The following RSBN1L variants were observed in gnomAD, a reference collection of about 807,000 sequenced individuals.
RSBN1L encodes the protein lysine-specific demethylase RSBN1L.
Under a neutral mutation model 67.7 loss-of-function variants are expected in RSBN1L, and 30 were observed. The observed-to-expected ratio is 0.44, with a 90% CI of 0.33 to 0.60. The LOEUF (loss-of-function observed/expected upper bound fraction) is 0.60, where lower values mean the gene tolerates loss of function less well. RSBN1L is among the 20% of genes least tolerant of loss of function. The probability of loss-of-function intolerance (pLI) is 0.02; values close to 1 mark genes in which losing one functional copy is unlikely to be tolerated. For missense variants in RSBN1L, 992 were observed against 1,031.7 expected (o/e 0.96, Z 0.53); for synonymous variants, 433 against 387.0 (o/e 1.12, Z -1.39).
rs750407827 is a variant in RSBN1L, at chr7:77,696,844, G to A, written c.375G>A (p.Pro125=). The change falls in exon 1 of 8, where the codon CCG becomes CCA. Residue 125 remains proline (P), a synonymous_variant. Transcript: ENST00000334955. ...SASASLSQPV[P]RKLLVPPTLL... Reference sequence around the variant, plus strand: ...CCGCTTCCTTGTCTCAGCCGGTGCCGCGCAAACTGCTGGTCCCTCCTACGC... The same window carrying A: ...CCGCTTCCTTGTCTCAGCCGGTGCCACGCAAACTGCTGGTCCCTCCTACGC... 1.9e-6 allele frequency: 3 copies of A among 1,612,846 alleles called. No individual in the cohort carries two copies. Among genetic ancestry groups the A allele is most frequent in the East Asian group, 2.2e-5 (1 of 44,888 alleles).
intron 6 of RSBN1L, among the ~76,000 whole-genome samples, chr7:77,777,062 T>G (rs1287302497): frequency 6.6e-6 from 1 of 151,946 alleles, no homozygotes. Flanking sequence ...GTGGGTTTTT[T>G]TTTTATTTCA....
At chr7:77,714,360 A>T (rs1345650671) in intron 1 of RSBN1L, among the ~76,000 whole-genome samples, 2 of 152,182 alleles carry the variant, frequency 1.3e-5, no homozygotes, top group African/African-American at 4.8e-5. Context: ...CTCTCTTGCT[A>T]CTCAGTGCTC....
chr7:77,704,292 A>G (rs978848569), intron 1 of RSBN1L, among the ~76,000 whole-genome samples: 23 of 152,242 alleles, frequency 1.5e-4, no homozygotes, highest in Non-Finnish European at 2.8e-4. Flanking sequence ...ATTTTTCACC[A>G]ATCTCAAATG....
chr7:77,754,641 TC>T (rs1376326313), intron 3 of RSBN1L, among the ~76,000 whole-genome samples: 1 of 152,098 alleles, frequency 6.6e-6, no homozygotes, highest in East Asian at 1.9e-4. Flanking sequence ...TCTTCCAACA[TC>T]CCCCTTTCCC....
At chr7:77,720,348 G>A (rs1474772157) in intron 1 of RSBN1L, among the ~76,000 whole-genome samples, 3 of 152,006 alleles carry the variant, frequency 2.0e-5, no homozygotes, top group Admixed American at 6.6e-5. Context: ...ATCACCTGAG[G>A]TTGGGAGTTC....
chr7:77,770,445 C>T (rs544620771), intron 5 of RSBN1L, among the ~76,000 whole-genome samples: 9 of 151,988 alleles, frequency 5.9e-5, no homozygotes, highest in African/African-American at 1.9e-4. Context: ...TTTGGGTGGC[C>T]GAGGTGGGAG....
intron 1 of RSBN1L, among the ~76,000 whole-genome samples, chr7:77,707,849 A>G (rs1790915968): frequency 6.6e-6 from 1 of 152,154 alleles, no homozygotes; most frequent in South Asian, 2.1e-4. Context: ...GACAGAAACA[A>G]TAATAATAAT....
chr7:77,757,572 T>G (rs1279469285), intron 3 of RSBN1L, among the ~76,000 whole-genome samples: 1 of 152,248 alleles, frequency 6.6e-6, no homozygotes, highest in Non-Finnish European at 1.5e-5. Flanking sequence ...ACTTAGTGAC[T>G]TGAAAAAAGG....
chr7:77,701,645 G>A (rs1344950755), intron 1 of RSBN1L, among the ~76,000 whole-genome samples: 1 of 138,678 alleles, frequency 7.2e-6, no homozygotes. Context: ...AACTTTCACT[G>A]AATTTTACTT....
At chr7:77,707,760 C>G (rs1790914676) in intron 1 of RSBN1L, among the ~76,000 whole-genome samples, 1 of 152,088 alleles carries the variant, frequency 6.6e-6, no homozygotes, top group African/African-American at 2.4e-5. Context: ...GCATCTATAT[C>G]AAGCACTTTC....
intron 1 of RSBN1L, among the ~76,000 whole-genome samples, chr7:77,705,084 C>T (rs781207824): frequency 6.6e-6 from 1 of 152,060 alleles, no homozygotes; most frequent in South Asian, 2.1e-4. Flanking sequence ...TATCTTAACC[C>T]CCATACTATC....
At chr7:77,739,736 T>G (rs1033189342) in intron 2 of RSBN1L, among the ~76,000 whole-genome samples, 61 of 81,156 alleles carry the variant, frequency 7.5e-4, no homozygotes, top group South Asian at 1.3e-3. Flanking sequence ...AAAAAAAATG[T>G]GTCTTTTTTT....
chr7:77,738,151 T>G (rs569762030), intron 2 of RSBN1L, among the ~76,000 whole-genome samples: 2 of 152,308 alleles, frequency 1.3e-5, no homozygotes, highest in East Asian at 1.9e-4. Flanking sequence ...TGCTGTAAAT[T>G]CTATTACTTG....
chr7:77,742,124 G>A (rs1791418376), intron 2 of RSBN1L, among the ~76,000 whole-genome samples: 1 of 146,418 alleles, frequency 6.8e-6, no homozygotes, highest in African/African-American at 2.5e-5. Flanking sequence ...GAGCCTGGGA[G>A]TACGAGACCA....
rs557061133 is a variant in RSBN1L, at chr7:77,720,389, C to T, written c.587-16021C>T. Among the ~76,000 whole-genome samples the T allele has an allele frequency of 7.2e-5, 11 of 151,920 alleles. No individual in the cohort carries two copies. The East Asian group carries it at 1.7e-3, about 24-fold the overall frequency. On this transcript the variant is annotated intron_variant, in intron 1 of 7. Transcript: ENST00000334955. ...CAGACTGACCAACATGGAGAAACCC[C>T]GGGTCTACTAAAAATACAAAATTAG...
In RSBN1L at chr7:77,781,393, T is replaced by C. The variant is rs1164217234; in HGVS notation, c.*2225T>C. The C allele has an allele frequency of 6.6e-6, 1 of 152,226 alleles. No homozygotes were observed. Among genetic ancestry groups the C allele is most frequent in the Non-Finnish European group, 1.5e-5 (1 of 68,042 alleles). The allele number at this position is 152,226 out of a possible 1,614,324, so 9.4% of individuals were successfully genotyped here. A position where few individuals can be genotyped will look rare whatever the true frequency, so the allele number is the denominator to read the frequency against. ...GTGGCAGAAGTTCTTAACAAACCAG[T>C]ATTGAGAAATAAGAAGGGATGTAGT... On this transcript the variant is annotated 3_prime_UTR_variant, in exon 8 of 8. Coordinates refer to ENST00000334955, the MANE Select transcript of RSBN1L (RefSeq NM_198467.3).
chr7:77,732,397 ATCT>A, intron 1 of RSBN1L, among the ~76,000 whole-genome samples: 1 of 152,102 alleles, frequency 6.6e-6, no homozygotes, highest in East Asian at 1.9e-4. Context: ...CAGTGGCGCC[ATCT>A]TAGTTCACTG....
At chr7:77,730,068 CA>C (rs1791254755) in intron 1 of RSBN1L, among the ~76,000 whole-genome samples, 1 of 151,950 alleles carries the variant, frequency 6.6e-6, no homozygotes, top group African/African-American at 2.4e-5. Context: ...TTCATTTTTC[CA>C]CATATATGAT....
chr7:77,767,169 T>C (rs1301566613), intron 4 of RSBN1L, among the ~76,000 whole-genome samples: 1 of 151,654 alleles, frequency 6.6e-6, no homozygotes, highest in Non-Finnish European at 1.5e-5. Flanking sequence ...GCTCAAGCAG[T>C]CCTCCTGCTT....
Sources: allele counts gnomAD v4.1 joint callset (sites outside exome capture counted in the v4.1 genomes callset), GRCh38; gene constraint gnomAD v4.1.1; transcripts MANE v1.5; gene names NCBI Gene and HGNC (gene_info 2026-07-23, HGNC 2026-07-21).